The following STK39 variants were observed in gnomAD, a reference collection of about 807,000 sequenced individuals.
STK39 encodes serine/threonine kinase 39.
In STK39, 20 loss-of-function variants were observed where a neutral mutation model predicts 77.8. The observed-to-expected ratio is 0.26, with a 90% confidence interval of 0.18 to 0.37. The LOEUF (loss-of-function observed/expected upper bound fraction) is 0.37. Among genes scored for constraint, STK39 ranks in the 10% least tolerant of loss-of-function variants. The pLI, the probability that STK39 is intolerant of heterozygous loss-of-function variation, is 1.00. For synonymous variants in STK39, 246 were observed against 234.1 expected (o/e 1.05, Z -0.47); for missense variants, 479 against 656.5 (o/e 0.73, Z 2.95).
intron 14 of STK39, among the ~76,000 whole-genome samples, chr2:168,024,881 C>G (rs1406486386): frequency 1.3e-5 from 2 of 152,312 alleles, no homozygotes; most frequent in African/African-American, 4.8e-5. Context: ...ACAGTCTGAA[C>G]AACAGAGCTG....
intron 4 of STK39, among the ~76,000 whole-genome samples, chr2:168,162,114 C>T (rs950874434): frequency 6.6e-6 from 1 of 151,812 alleles, no homozygotes; most frequent in African/African-American, 2.4e-5. Flanking sequence ...GGTGAAACCC[C>T]ATCTCTACTA....
intron 16 of STK39, among the ~76,000 whole-genome samples, chr2:168,008,278 C>T (rs539107048): frequency 1.3e-5 from 2 of 152,292 alleles, no homozygotes; most frequent in South Asian, 2.1e-4. Context: ...TTGAGAGGGG[C>T]TTGAAACGTG....
chr2:168,113,828 G>C (rs1338700918), intron 10 of STK39, among the ~76,000 whole-genome samples: 1 of 152,208 alleles, frequency 6.6e-6, no homozygotes, highest in African/African-American at 2.4e-5. Context: ...TGAAGCTTCT[G>C]TCAGGAAAAG....
chr2:168,038,643 A>T (rs1191772832), intron 14 of STK39, among the ~76,000 whole-genome samples: 1 of 152,138 alleles, frequency 6.6e-6, no homozygotes, highest in African/African-American at 2.4e-5. Flanking sequence ...CAAGCCACAG[A>T]GTGAGAAAAA....
In STK39 at chr2:168,140,766, G is replaced by T; in HGVS notation, c.629-8C>A. ...ACGCACTTACCCCAAAATCTGAAAG[G>T]GAAAAAAAAATCACCTTTATTTTAT... On this transcript the variant is annotated splice_polypyrimidine_tract_variant and splice_region_variant and intron_variant, in intron 5 of 17. Transcript: ENST00000355999. 6.4e-7 allele frequency: 1 copy of T among 1,559,324 alleles called. No homozygotes were observed. The highest frequency in any genetic ancestry group is 8.7e-7 in the Non-Finnish European group (1 of 1,154,226).
chr2:167,973,103 G>A (rs921364851), intron 16 of STK39, among the ~76,000 whole-genome samples: 1 of 152,142 alleles, frequency 6.6e-6, no homozygotes, highest in Non-Finnish European at 1.5e-5. Context: ...TTATATAAAA[G>A]AGCTCTAATT....
intron 10 of STK39, among the ~76,000 whole-genome samples, chr2:168,108,576 A>T (rs1324287291): frequency 6.6e-6 from 1 of 152,086 alleles, no homozygotes; most frequent in East Asian, 1.9e-4. Context: ...GAAAATAAAA[A>T]AAAAAAGAAA....
chr2:168,137,214 A>G (rs1471813691), intron 8 of STK39, among the ~76,000 whole-genome samples: 1 of 152,242 alleles, frequency 6.6e-6, no homozygotes, highest in Non-Finnish European at 1.5e-5. Flanking sequence ...GTTTCAGAAG[A>G]GAAGTCAGTT....
chr2:168,231,544 T>C (rs1401378915), intron 1 of STK39, among the ~76,000 whole-genome samples: 1 of 151,782 alleles, frequency 6.6e-6, no homozygotes, highest in Non-Finnish European at 1.5e-5. Flanking sequence ...TGCAAGAACA[T>C]GTTTTTCACT....
intron 14 of STK39, among the ~76,000 whole-genome samples, chr2:168,053,596 A>G (rs1417616588): frequency 6.6e-6 from 1 of 152,218 alleles, no homozygotes; most frequent in Non-Finnish European, 1.5e-5. Context: ...TGCTGAAAGT[A>G]TTTGTACTCA....
At chr2:168,101,730 T>C (rs977652492) in intron 10 of STK39, among the ~76,000 whole-genome samples, 2 of 152,036 alleles carry the variant, frequency 1.3e-5, no homozygotes, top group African/African-American at 4.8e-5. Context: ...CGAGCAAGAC[T>C]CTGTCTCAAA....
intron 16 of STK39, among the ~76,000 whole-genome samples, chr2:168,005,889 C>T (rs1181103350): frequency 6.6e-6 from 1 of 152,150 alleles, no homozygotes; most frequent in Non-Finnish European, 1.5e-5. Context: ...CTCATGGGGG[C>T]ATGAACAATA....
chr2:167,997,938 C>T (rs1683889106), intron 16 of STK39, among the ~76,000 whole-genome samples: 1 of 152,020 alleles, frequency 6.6e-6, no homozygotes, highest in Non-Finnish European at 1.5e-5. Flanking sequence ...CAATCTGAAA[C>T]CAGCAATTTA....
In STK39 at chr2:168,140,631, C is replaced by CT. The variant is rs754075779; in HGVS notation, c.738+17dup. Reference sequence around the variant, plus strand: ...TTGTACTATGTCCATCAAAAAGTCACTTTTTTTGTTTTTTTACCTGTTCCA... The same window carrying CT: ...TTGTACTATGTCCATCAAAAAGTCACTTTTTTTTGTTTTTTTACCTGTTCCA... On this transcript the variant is annotated intron_variant, in intron 6 of 17. Coordinates refer to ENST00000355999, the MANE Select transcript of STK39 (RefSeq NM_013233.3). 2 of 1,576,346 alleles carry CT rather than the reference C, an allele frequency of 1.3e-6. No individual in the cohort carries two copies. Among genetic ancestry groups the CT allele is most frequent in the Middle Eastern group, 1.7e-4 (1 of 5,900 alleles).
chr2:168,067,486 C>A (rs903034481), intron 12 of STK39, among the ~76,000 whole-genome samples: 1 of 152,210 alleles, frequency 6.6e-6, no homozygotes, highest in Non-Finnish European at 1.5e-5. Flanking sequence ...CTGAGGCTTT[C>A]CCAGAAGCTG....
At chr2:167,975,145 C>G (rs1250214378) in intron 16 of STK39, among the ~76,000 whole-genome samples, 1 of 152,078 alleles carries the variant, frequency 6.6e-6, no homozygotes, top group Non-Finnish European at 1.5e-5. Flanking sequence ...GTCTTTAAAG[C>G]TTTTGTTATT....
intron 5 of STK39, among the ~76,000 whole-genome samples, chr2:168,150,232 G>A (rs1688244515): frequency 6.6e-6 from 1 of 152,222 alleles, no homozygotes; most frequent in Admixed American, 6.5e-5. Context: ...CAGATGAAGA[G>A]AACCATGGCA....
Position 168,065,355 on chromosome 2 carries a change from G to C in STK39, c.1269C>G (p.Pro423=), listed in dbSNP as rs200980214. The C allele has an allele frequency of 1.4e-5, 22 of 1,613,914 alleles. No homozygotes were observed. Among genetic ancestry groups the C allele is most frequent in the Non-Finnish European group, 2.5e-6 (3 of 1,179,958 alleles). The change falls in exon 13 of 18, where the codon CCC becomes CCG. Residue 423 remains proline, a synonymous_variant. Transcript: ENST00000355999. The part of the protein sequence containing the change: ...PEIAVSASTI[P]EQIQSLSVHD... ...GCACAGAGAGGGACTGTATTTGTTC[G>C]GGGATGGTGCTGGCACTCACTGCAA... is the stretch of plus-strand genomic sequence containing the variant.
At position 168,001,155 on chromosome 2, in the gene STK39, G is replaced by A. The variant is rs117744607; in HGVS notation, c.1498+11479C>T. 8.7e-4 allele frequency among the ~76,000 whole-genome samples: 132 copies of A among 151,790 alleles called. No homozygotes were observed. In the East Asian group the frequency reaches 0.02, roughly 23 times the overall value. On this transcript the variant is annotated intron_variant, in intron 16 of 17. Transcript: ENST00000355999. ...TTCTTTTATGGAATGGTTACCGTGG[G>A]TTATGCAGTATAGTGGGTGATTCTG... is the stretch of plus-strand genomic sequence containing the variant.
Sources: gnomAD v4.1 joint callset for allele counts (sites outside exome capture counted in the v4.1 genomes callset) on GRCh38, gnomAD v4.1.1 for gene constraint, MANE v1.5 for transcripts, NCBI Gene and HGNC (gene_info 2026-07-23, HGNC 2026-07-21) for gene names.